KDM2B: variants seen among roughly 807,000 people sequenced by gnomAD.
KDM2B encodes lysine-specific demethylase 2B.
A neutral mutation model predicts 150.0 loss-of-function variants in KDM2B; 26 were observed. The ratio of observed to expected loss-of-function variants is 0.17; its 90% CI spans 0.13 to 0.24. The LOEUF (loss-of-function observed/expected upper bound fraction) is 0.24, where lower values mean the gene tolerates loss of function less well. KDM2B is among the 10% of genes least tolerant of loss of function. The pLI, the probability that KDM2B is intolerant of heterozygous loss-of-function variation, is 1.00. For synonymous variants in KDM2B, 734 were observed against 729.5 expected, an observed-to-expected ratio of 1.01 and a Z score of -0.10; for missense variants, 1,265 against 1,816.9, an observed-to-expected ratio of 0.70 and a Z score of 5.52.
At chr12:121,491,487 C>T (rs1883341781) in intron 12 of KDM2B, among the ~76,000 whole-genome samples, 1 of 151,968 alleles carries the variant, frequency 6.6e-6, no homozygotes, top group African/African-American at 2.4e-5. Flanking sequence ...TATTTACTTC[C>T]TTATTTTTAA....
chr12:121,490,151 C>T (rs1377368532), intron 12 of KDM2B, among the ~76,000 whole-genome samples: 1 of 152,174 alleles, frequency 6.6e-6, no homozygotes, highest in East Asian at 1.9e-4. Context: ...GGACCAACTT[C>T]GGAGGAAAGG....
rs2137366842 is a variant in KDM2B, at chr12:121,430,524, C to T, written c.3830-55G>A. 4.4e-6 allele frequency: 6 copies of T among 1,364,194 alleles called. No individual in the cohort carries two copies. In the East Asian group the frequency reaches 1.4e-4, roughly 31 times the overall value. 84.5% of individuals were successfully genotyped at this position (1,364,194 alleles called of 1,614,324 possible). Reference sequence around the variant, plus strand: ...TGAAGGCCAGGAGCCAGAAGCCCCCCCGCCGCCAGACCCAGGCACTCAGCA... The same window carrying T: ...TGAAGGCCAGGAGCCAGAAGCCCCCTCGCCGCCAGACCCAGGCACTCAGCA... On this transcript the variant is annotated intron_variant, in intron 22 of 22. Transcript: ENST00000377071. This position sits in a 1 kb window ranked among gnomAD's most constrained non-coding sequence, Gnocchi z 4.4.
chr12:121,562,502 C>A (rs1890416705), intron 4 of KDM2B, among the ~76,000 whole-genome samples: 1 of 152,000 alleles, frequency 6.6e-6, no homozygotes. Flanking sequence ...AGTCTGGGGA[C>A]AAGTCAGCCA....
rs148764970 is a variant in KDM2B at position 121,548,693 on chromosome 12, C to T, written c.683+184G>A. ...AGAGCCCCTGCAGCCAACCTGCACA[C>T]GCGAAGGACCCCGTCCCTCCTGTCC... On this transcript the variant is annotated intron_variant, in intron 6 of 22. Coordinates refer to ENST00000377071, the MANE Select transcript of KDM2B (RefSeq NM_032590.5). 6.5e-3 allele frequency among the ~76,000 whole-genome samples: 988 copies of T among 152,320 alleles called. 7 individuals are homozygous for T. The highest frequency in any genetic ancestry group is 0.023 in the African/African-American group (948 of 41,582).
intron 8 of KDM2B, among the ~76,000 whole-genome samples, chr12:121,523,311 C>T (rs781807583): frequency 3.5e-4 from 53 of 152,128 alleles, no homozygotes; most frequent in Non-Finnish European, 5.4e-4. Flanking sequence ...AGGACAAGGG[C>T]GGACAGAGGC....
intron 12 of KDM2B, among the ~76,000 whole-genome samples, chr12:121,479,549 G>T (rs1316966405): frequency 1.3e-5 from 2 of 152,006 alleles, no homozygotes; most frequent in Admixed American, 6.6e-5. Context: ...AGCTACTTGG[G>T]CCCAGAAGTT....
chr12:121,413,975 CTTGTG>C, the KDM2B span, among the ~76,000 whole-genome samples: 3 of 152,140 alleles, frequency 2.0e-5, no homozygotes, highest in Non-Finnish European at 2.9e-5. Context: ...CTGTTTGAAC[CTTGTG>C]TTGTGGTTTC....
chr12:121,458,901 C>A (rs1222381360), intron 12 of KDM2B, among the ~76,000 whole-genome samples: 3 of 151,768 alleles, frequency 2.0e-5, no homozygotes, highest in Non-Finnish European at 2.9e-5. Flanking sequence ...TCCTGCTCAA[C>A]CTGGTGAAAC....
Position 121,521,216 on chromosome 12 carries a change from G to A in KDM2B, c.932-116C>T. On this transcript the variant is annotated intron_variant, in intron 8 of 22. Coordinates refer to ENST00000377071, the MANE Select transcript of KDM2B (RefSeq NM_032590.5). The surrounding 1 kb of genome is among the most constrained non-coding windows in gnomAD (Gnocchi z 4.9). ...AGGAGGGTGCAGGGAGTGGAGAAGA[G>A]CAGCCAGGGCCTGGGGCAGCGGCGC... 1.4e-6 allele frequency: 1 copy of A among 690,474 alleles called. No homozygotes were observed. 42.8% of individuals were successfully genotyped at this position (690,474 alleles called of 1,614,324 possible).
chr12:121,476,194 C>A (rs1313769937), intron 12 of KDM2B, among the ~76,000 whole-genome samples: 4 of 151,876 alleles, frequency 2.6e-5, no homozygotes, highest in African/African-American at 7.3e-5. Flanking sequence ...ACTCGGGAGG[C>A]TGAGGCAGGA....
At chr12:121,477,207 C>CT (rs1881481902) in intron 12 of KDM2B, among the ~76,000 whole-genome samples, 2 of 152,018 alleles carry the variant, frequency 1.3e-5, no homozygotes, top group African/African-American at 4.8e-5. Flanking sequence ...CTAGCTGGGA[C>CT]TACAGGCACA....
chr12:121,450,663 T>C (rs1197591981), intron 13 of KDM2B, among the ~76,000 whole-genome samples: 2 of 151,984 alleles, frequency 1.3e-5, no homozygotes, highest in East Asian at 1.9e-4. Flanking sequence ...ATCCAGACCA[T>C]CCTAGCCAAC....
intron 1 of KDM2B, chr12:121,579,941 A>T: frequency 6.8e-7 from 1 of 1,475,350 alleles, no homozygotes; most frequent in Non-Finnish European, 9.1e-7. Context: ...GCGAGAAACA[A>T]CCAAAAAAAA....
chr12:121,481,470 T>G lies in KDM2B; in HGVS notation c.1734+13109A>C, dbSNP rs140741455. On this transcript the variant is annotated intron_variant, in intron 12 of 22. Transcript: ENST00000377071. ...TCACCTAAATTTGAGGGACAGATTA[T>G]CTGACAACATCGTTTGGTTGAGCAT... Among the ~76,000 whole-genome samples the G allele has an allele frequency of 8.6e-3, 1,282 of 148,552 alleles. 14 individuals carry two copies. The highest frequency in any genetic ancestry group is 0.03 in the African/African-American group (1,233 of 40,524).
chr12:121,466,487 T>G (rs570431517), intron 12 of KDM2B, among the ~76,000 whole-genome samples: 57 of 152,110 alleles, frequency 3.7e-4, no homozygotes, highest in African/African-American at 1.3e-3. Context: ...CGAGGCCAAC[T>G]CCTGCCATCT....
chr12:121,481,758 GTTTT>G (rs111363850), intron 12 of KDM2B, among the ~76,000 whole-genome samples: 1,256 of 123,248 alleles, frequency 0.01, 17 homozygotes, highest in African/African-American at 0.037. Context: ...TTATCTTAGG[GTTTT>G]TTTTGTTTGT....
intron 11 of KDM2B, among the ~76,000 whole-genome samples, chr12:121,501,537 C>G (rs1382125240): frequency 6.6e-6 from 1 of 152,176 alleles, no homozygotes; most frequent in East Asian, 1.9e-4. Flanking sequence ...TTGGAGCGAG[C>G]AGAGCCCCGC....
At chr12:121,547,457 C>T (rs781864311) in intron 6 of KDM2B, among the ~76,000 whole-genome samples, 5 of 152,156 alleles carry the variant, frequency 3.3e-5, no homozygotes, top group Non-Finnish European at 5.9e-5. Flanking sequence ...GCATGCAGTC[C>T]GCACTCACTA....
At chr12:121,501,707 G>A (rs1170030755) in intron 11 of KDM2B, among the ~76,000 whole-genome samples, 1 of 147,400 alleles carries the variant, frequency 6.8e-6, no homozygotes, top group Non-Finnish European at 1.5e-5. Flanking sequence ...TGCAACCTCC[G>A]CCTCCTGGGT....
Sources: allele counts gnomAD v4.1 joint callset (sites outside exome capture counted in the v4.1 genomes callset), GRCh38; gene constraint gnomAD v4.1.1; non-coding constraint Gnocchi (gnomAD v3.1); transcripts MANE v1.5; gene names NCBI Gene and HGNC (gene_info 2026-07-23, HGNC 2026-07-21).